The following PYM1 variants were observed in gnomAD, a reference collection of about 807,000 sequenced individuals.
PYM1 encodes partner of Y14 and mago.
In PYM1, 7 loss-of-function variants were observed where a neutral mutation model predicts 20.7. That is an observed-to-expected ratio of 0.34 (90% confidence interval 0.19 to 0.64). The LOEUF (loss-of-function observed/expected upper bound fraction) is 0.64, where lower values mean the gene tolerates loss of function less well. PYM1 is among the 30% of genes least tolerant of loss of function. PYM1 has a pLI of 0.74. For synonymous variants in PYM1, 100 were observed against 99.2 expected, an observed-to-expected ratio of 1.01 and a Z score of -0.05; for missense variants, 194 against 250.0, an observed-to-expected ratio of 0.78 and a Z score of 1.51.
intron 1 of PYM1, among the ~76,000 whole-genome samples, chr12:55,912,876 A>T (rs1309862169): frequency 2.0e-5 from 3 of 151,576 alleles, no homozygotes; most frequent in Non-Finnish European, 4.4e-5. Context: ...AGGCAGGAGA[A>T]TCACTTGAAC....
At chr12:55,903,779 G>A (rs545563419) in intron 1 of PYM1, among the ~76,000 whole-genome samples, 1 of 152,110 alleles carries the variant, frequency 6.6e-6, no homozygotes, top group African/African-American at 2.4e-5. Flanking sequence ...GAACATGAAA[G>A]GCAGTAAATG....
intron 1 of PYM1, chr12:55,927,368 A>T: frequency 1.4e-6 from 1 of 721,384 alleles, no homozygotes; most frequent in Non-Finnish European, 2.5e-6. Context: ...AGCCAAGAGA[A>T]GTTCCGAGGC....
chr12:55,927,133 G>C, intron 1 of PYM1: 2 of 1,551,394 alleles, frequency 1.3e-6, no homozygotes, highest in African/African-American at 1.4e-5. Context: ...ACCACTTCCG[G>C]CGTGAGCGGG....
chr12:55,902,387 G>A (rs1882709712), intron 2 of PYM1, 32 bp from the exon 3 acceptor site: 1 of 1,571,030 alleles, frequency 6.4e-7, no homozygotes, highest in South Asian at 1.2e-5. Context: ...AAGAGTTTCA[G>A]AGAATTACTG....
intron 1 of PYM1, among the ~76,000 whole-genome samples, chr12:55,922,583 C>T (rs549368649): frequency 6.6e-6 from 1 of 152,092 alleles, no homozygotes; most frequent in South Asian, 2.1e-4. Context: ...CATCACCGCA[C>T]TCCAGTCTGG....
chr12:55,903,431 C>T lies in PYM1; in HGVS notation c.87G>A (p.Gln29=). The T allele has an allele frequency of 1.9e-6, 3 of 1,614,142 alleles. No homozygotes were observed. Among genetic ancestry groups the T allele is most frequent in the Middle Eastern group, 1.6e-4 (1 of 6,062 alleles). The change falls in exon 2 of 3, where the codon CAG becomes CAA. Residue 29 remains glutamine (Q), a synonymous_variant. Coordinates refer to ENST00000408946, the MANE Select transcript of PYM1 (RefSeq NM_032345.3). ...GCACATATCCTTCTTTCACCCTCCG[C>T]TGCTTGCGCCAGGTCCCGTCAGGTC... ...TQRPDGTWRK[Q]RRVKEGYVPQ... is the part of the protein sequence containing the mutation.
intron 1 of PYM1, among the ~76,000 whole-genome samples, chr12:55,926,855 T>C (rs1257598686): frequency 6.6e-6 from 1 of 151,996 alleles, no homozygotes; most frequent in East Asian, 1.9e-4. Flanking sequence ...GGACCAGCAC[T>C]GAAGGACCCC....
At chr12:55,904,738 G>T (rs970286563) in intron 1 of PYM1, among the ~76,000 whole-genome samples, 1 of 151,578 alleles carries the variant, frequency 6.6e-6, no homozygotes, top group Non-Finnish European at 1.5e-5. Context: ...TTAGCCGGGT[G>T]TGATGGCACA....
chr12:55,925,703 A>G (rs1883176000), intron 1 of PYM1, among the ~76,000 whole-genome samples: 1 of 152,264 alleles, frequency 6.6e-6, no homozygotes, highest in Non-Finnish European at 1.5e-5. Flanking sequence ...AAGGAAAACA[A>G]AAAAGCAGTT....
At chr12:55,922,350 T>C (rs936633673) in intron 1 of PYM1, among the ~76,000 whole-genome samples, 1 of 147,536 alleles carries the variant, frequency 6.8e-6, no homozygotes, top group African/African-American at 2.5e-5. Context: ...GACTCATGCC[T>C]AGTAATCCCA....
At chr12:55,921,529 TA>T (rs1461982060) in intron 1 of PYM1, among the ~76,000 whole-genome samples, 4 of 150,562 alleles carry the variant, frequency 2.7e-5, no homozygotes, top group Non-Finnish European at 4.4e-5. Context: ...CTCCCATAAA[TA>T]AAAAAAAATA....
chr12:55,907,373 T>G (rs1201632840), intron 1 of PYM1, among the ~76,000 whole-genome samples: 1 of 143,058 alleles, frequency 7.0e-6, no homozygotes, highest in African/African-American at 2.6e-5. Context: ...CCGAGGCAGG[T>G]GGATTGCCTG....
In PYM1 at chr12:55,917,036, A is replaced by G. The variant is rs965704822; in HGVS notation, c.37+10689T>C. Reference sequence around the variant, plus strand: ...AGGATCACTTGAACCCAGGAGGTCAAGCCAGCAGTAAACTGCAATCACACC... The same window carrying G: ...AGGATCACTTGAACCCAGGAGGTCAGGCCAGCAGTAAACTGCAATCACACC... On this transcript the variant is annotated intron_variant, in intron 1 of 2. Coordinates refer to ENST00000408946, the MANE Select transcript of PYM1 (RefSeq NM_032345.3). 3.9e-5 allele frequency among the ~76,000 whole-genome samples: 6 copies of G among 152,058 alleles called. No homozygotes were observed. In the East Asian group the frequency reaches 1.2e-3, roughly 29 times the overall value.
chr12:55,908,841 G>A (rs1882871401), intron 1 of PYM1, among the ~76,000 whole-genome samples: 1 of 151,762 alleles, frequency 6.6e-6, no homozygotes, highest in Admixed American at 6.6e-5. Flanking sequence ...GACAGAGCAA[G>A]ACTCTGTCTC....
At position 55,901,993 on chromosome 12, in the gene PYM1, T is replaced by A. The variant is rs771135178; in HGVS notation, c.494A>T (p.Glu165Val). 1.2e-6 allele frequency: 2 copies of A among 1,614,056 alleles called. No homozygotes were observed. Among genetic ancestry groups the A allele is most frequent in the African/African-American group, 2.7e-5 (2 of 74,918 alleles). ...KNLKKKLRQVEELQQRIQAGE... is the reference protein window; with the variant it reads ...KNLKKKLRQVVELQQRIQAGE... ...AGCCTGGATCCGCTGCTGCAGCTCT[T>A]CCACCTGCCGGAGTTTCTTCTTTAG... The change falls in exon 3 of 3, where the codon GAA becomes GTA. Residue 165 changes from glutamate (E) to valine (V), a missense_variant. Around this residue, in one of 3 missense-constraint regions of PYM1, gnomAD observed 158 missense variants for 179.0 expected, o/e 0.88. Coordinates refer to ENST00000408946, the MANE Select transcript of PYM1 (RefSeq NM_032345.3).
chr12:55,927,202 C>G, intron 1 of PYM1: 1 of 1,534,066 alleles, frequency 6.5e-7, no homozygotes, highest in Non-Finnish European at 8.8e-7. Flanking sequence ...AAGCCACCAT[C>G]TTAGTCTTAA....
intron 1 of PYM1, among the ~76,000 whole-genome samples, chr12:55,909,320 C>T (rs926220396): frequency 2.6e-5 from 4 of 152,092 alleles, no homozygotes; most frequent in South Asian, 2.1e-4. Flanking sequence ...CAAAAACTCA[C>T]GCATGGGAAT....
At chr12:55,903,855 G>C (rs1438686836) in intron 1 of PYM1, among the ~76,000 whole-genome samples, 1 of 152,106 alleles carries the variant, frequency 6.6e-6, no homozygotes, top group Non-Finnish European at 1.5e-5. Context: ...TGTTGTAAAG[G>C]AGAAATTTTA....
chr12:55,911,794 C>T (rs1440649821), intron 1 of PYM1, among the ~76,000 whole-genome samples: 2 of 151,330 alleles, frequency 1.3e-5, no homozygotes, highest in Admixed American at 1.3e-4. Context: ...TGAGCCGAGA[C>T]TGCGCCACTG....
Sources: gnomAD v4.1 joint callset for allele counts (sites outside exome capture counted in the v4.1 genomes callset) on GRCh38, gnomAD v4.1.1 for gene constraint, gnomAD v4.1.1 regional missense constraint, MANE v1.5 for transcripts, NCBI Gene and HGNC (gene_info 2026-07-23, HGNC 2026-07-21) for gene names.